Variants in LRRK2 observed in about 807,000 individuals in gnomAD.
LRRK2 encodes leucine-rich repeat serine/threonine-protein kinase 2.
LRRK2 carries 203 observed loss-of-function variants against 302.6 expected under a neutral mutation model. The observed-to-expected ratio is 0.67, with a 90% CI of 0.60 to 0.75. The LOEUF is 0.75. LRRK2 is among the 30% of genes least tolerant of loss of function. The pLI is 0.00. For missense variants in LRRK2, 2,830 were observed against 2,951.0 expected (o/e 0.96, Z 0.95); for synonymous variants, 1,066 against 1,031.9 (o/e 1.03, Z -0.63).
chr12:40,343,227 T>C lies in LRRK2; in HGVS notation c.6109+2773T>C, dbSNP rs879642477. ...TAATTATGGTTTGGATATTTTCACC[T>C]TTAAATAACTTGGAGAGTTTCAACA... On this transcript the variant is annotated intron_variant, in intron 41 of 50. Coordinates refer to ENST00000298910, the MANE Select transcript of LRRK2 (RefSeq NM_198578.4). 9.4e-5 allele frequency among the ~76,000 whole-genome samples: 14 copies of C among 149,222 alleles called. No individual in the cohort carries two copies. In the East Asian group the frequency reaches 2.6e-3, roughly 27 times the overall value.
chr12:40,306,073 T>C, intron 28 of LRRK2, 107 bp downstream of exon 28: 2 of 878,890 alleles, frequency 2.3e-6, no homozygotes, highest in Non-Finnish European at 3.5e-6. Context: ...AAATAAATAG[T>C]AATATTTGGC....
intron 14 of LRRK2, among the ~76,000 whole-genome samples, chr12:40,273,521 A>G (rs2136598306): frequency 6.6e-6 from 1 of 152,296 alleles, no homozygotes; most frequent in East Asian, 1.9e-4. Context: ...AGGATTGGAA[A>G]TCTGTTCACT....
intron 7 of LRRK2, among the ~76,000 whole-genome samples, chr12:40,246,082 T>A (rs1303148698): frequency 6.6e-6 from 1 of 151,992 alleles, no homozygotes; most frequent in African/African-American, 2.4e-5. Context: ...AAATAATGCA[T>A]CTTACAAGGG....
At position 40,364,875 on chromosome 12, in the gene LRRK2, A is replaced by G. The variant is rs1946829342; in HGVS notation, c.7215A>G (p.Lys2405=). 2 of 1,612,172 alleles carry G rather than the reference A, an allele frequency of 1.2e-6. No individual in the cohort carries two copies. The highest frequency in any genetic ancestry group is 1.7e-6 in the Non-Finnish European group (2 of 1,178,908). ...TGGTAAAAGAAAACAAGGAATCAAA[A>G]CACAAAATGTCTTATTCTGGGAGAG... ...EVMVKENKES[K]HKMSYSGRVK... is the part of the protein sequence containing the mutation. The change falls in exon 49 of 51, where the codon AAA becomes AAG. Residue 2405 remains lysine (K), a synonymous_variant. Transcript: ENST00000298910.
intron 19 of LRRK2, 61 bp from the exon 20 acceptor site, chr12:40,287,290 T>G: frequency 2.0e-6 from 3 of 1,470,440 alleles, no homozygotes; most frequent in Non-Finnish European, 2.8e-6. Context: ...TTTGGTCCTA[T>G]GTATGTTTAT....
intron 25 of LRRK2, among the ~76,000 whole-genome samples, chr12:40,300,451 CCTGA>C (rs1944581695): frequency 6.6e-6 from 1 of 152,126 alleles, no homozygotes; most frequent in Non-Finnish European, 1.5e-5. Context: ...TTATTCTATA[CCTGA>C]CTCAGTAAAA....
At chr12:40,247,381 A>T (rs1054934318) in intron 7 of LRRK2, among the ~76,000 whole-genome samples, 1 of 150,964 alleles carries the variant, frequency 6.6e-6, no homozygotes, top group African/African-American at 2.4e-5. Flanking sequence ...CATTTCTTTC[A>T]TAGCTTCCAA....
intron 43 of LRRK2, among the ~76,000 whole-genome samples, chr12:40,349,697 T>C (rs1011975397): frequency 1.3e-5 from 2 of 151,926 alleles, no homozygotes; most frequent in African/African-American, 4.8e-5. Context: ...TTAATTTTTT[T>C]GTAGAGAAAG....
chr12:40,279,048 T>C (rs1049185164), intron 18 of LRRK2, among the ~76,000 whole-genome samples: 21 of 151,564 alleles, frequency 1.4e-4, no homozygotes, highest in African/African-American at 4.8e-4. Flanking sequence ...ACTAGGTTCA[T>C]TGCTTATATT....
chr12:40,319,869 C>A, intron 33 of LRRK2, 119 bp from the exon 34 acceptor site: 1 of 984,706 alleles, frequency 1.0e-6, no homozygotes, highest in Non-Finnish European at 1.5e-6. Context: ...CTGTGTTGCA[C>A]TTGAAAACAC....
chr12:40,281,218 G>A (rs1210163480), intron 18 of LRRK2, among the ~76,000 whole-genome samples: 4 of 152,132 alleles, frequency 2.6e-5, no homozygotes, highest in Admixed American at 2.6e-4. Flanking sequence ...GACAACCTAC[G>A]AAAAGGTCCA....
intron 17 of LRRK2, 26 bp from the exon 18 acceptor site, chr12:40,278,065 C>G (rs779300722): frequency 6.2e-7 from 1 of 1,613,886 alleles, no homozygotes; most frequent in Admixed American, 1.7e-5. Context: ...TTATCTGACT[C>G]TAATTCTCAT....
In LRRK2 at chr12:40,364,847, T is replaced by C; in HGVS notation, c.7187T>C (p.Val2396Ala). 6.2e-7 allele frequency: 1 copy of C among 1,608,410 alleles called. No individual in the cohort carries two copies. Among genetic ancestry groups the C allele is most frequent in the Non-Finnish European group, 8.5e-7 (1 of 1,175,784 alleles). The change falls in exon 49 of 51, where the codon GTA becomes GCA. Residue 2396 changes from valine to alanine, a missense_variant. By Grantham distance (64) the Val-to-Ala change is moderately conservative (BLOSUM62 0). This residue lies in a region of LRRK2 where 456 missense variants were observed against 456.3 expected (regional missense o/e 1.00). Transcript: ENST00000298910. ...LIDCVHFLREVMVKENKESKH... is the reference protein window; with the variant it reads ...LIDCVHFLREAMVKENKESKH... ...TGTATACTTTATGGTTCTAGGGAGG[T>C]AATGGTAAAAGAAAACAAGGAATCA... is the stretch of plus-strand genomic sequence containing the variant.
rs33949390 is a variant in LRRK2, at chr12:40,320,043, G to A, written c.4883G>A (p.Arg1628His). ...AAACACCCTAAGGGCATTATTTCGC[G>A]TAGAGATGTGGAAAAATTTCTTTCA... ...CPKHPKGIISRRDVEKFLSKK... is the reference protein window; with the variant it reads ...CPKHPKGIISHRDVEKFLSKK... The change falls in exon 34 of 51, where the codon CGT (arginine) becomes CAT (histidine). Residue 1628 changes from arginine (R) to histidine (H), a missense_variant. Arg to His is a conservative substitution (Grantham distance 29). Around this residue, in one of 3 missense-constraint regions of LRRK2, gnomAD observed 2,121 missense variants for 2,148.0 expected, o/e 0.99. Transcript: ENST00000298910. The A allele has an allele frequency of 1.1e-4, 180 of 1,611,680 alleles. No homozygotes were observed. The highest frequency in any genetic ancestry group is 5.7e-4 in the Admixed American group (34 of 59,858).
chr12:40,250,127 C>A (rs1279221618), intron 8 of LRRK2, among the ~76,000 whole-genome samples, 182 bp downstream of exon 8: 1 of 152,206 alleles, frequency 6.6e-6, no homozygotes, highest in Non-Finnish European at 1.5e-5. Context: ...ATACACATCT[C>A]AATGTAGAGT....
intron 46 of LRRK2, among the ~76,000 whole-genome samples, chr12:40,358,714 G>A (rs1218157305): frequency 1.6e-5 from 2 of 126,128 alleles, no homozygotes; most frequent in Admixed American, 8.9e-5. Flanking sequence ...GCTCTTTTTC[G>A]GTTCCACTCA....
intron 31 of LRRK2, among the ~76,000 whole-genome samples, chr12:40,311,380 T>A (rs1484006988): frequency 6.6e-6 from 1 of 152,080 alleles, no homozygotes; most frequent in African/African-American, 2.4e-5. Context: ...AAAAAAGAAA[T>A]CTTCACTGGG....
rs181607609 is a variant in LRRK2, at chr12:40,273,862, A to G, written c.1657-721A>G. Among the ~76,000 whole-genome samples, 10 of 152,254 alleles carry G rather than the reference A, an allele frequency of 6.6e-5. No homozygotes were observed. The East Asian group carries it at 1.9e-3, about 29-fold the overall frequency. Reference sequence around the variant, plus strand: ...GTTTTCTTCTTGGTTGATGAGTAGGATGGCCTGGACAAAGAAGTGACCTCT... The same window carrying G: ...GTTTTCTTCTTGGTTGATGAGTAGGGTGGCCTGGACAAAGAAGTGACCTCT... On this transcript the variant is annotated intron_variant, in intron 14 of 50. Coordinates refer to ENST00000298910, the MANE Select transcript of LRRK2 (RefSeq NM_198578.4).
chr12:40,268,060 A>G (rs1476320480), intron 14 of LRRK2, among the ~76,000 whole-genome samples: 1 of 152,206 alleles, frequency 6.6e-6, no homozygotes, highest in Non-Finnish European at 1.5e-5. Context: ...ATTCAAGCTG[A>G]AGTTAAAATC....
Sources: gnomAD v4.1 joint callset for allele counts (sites outside exome capture counted in the v4.1 genomes callset) on GRCh38, gnomAD v4.1.1 for gene constraint, gnomAD v4.1.1 regional missense constraint, MANE v1.5 for transcripts, NCBI Gene and HGNC (gene_info 2026-07-23, HGNC 2026-07-21) for gene names.